ZFHX3: variants seen among roughly 807,000 people sequenced by gnomAD.
The protein encoded by ZFHX3 is zinc finger homeobox protein 3.
ZFHX3 carries 42 observed loss-of-function variants against 279.1 expected under a neutral mutation model. The observed-to-expected ratio is 0.15, with a 90% CI of 0.12 to 0.19. The LOEUF (loss-of-function observed/expected upper bound fraction) is 0.19, where lower values mean the gene tolerates loss of function less well. Ranked by LOEUF, ZFHX3 falls within the 10% of genes least tolerant of loss-of-function variation. ZFHX3 has a pLI of 1.00. For synonymous variants in ZFHX3, 2,293 were observed against 1,957.8 expected, an observed-to-expected ratio of 1.17 and a Z score of -4.52; for missense variants, 4,981 against 4,754.0, an observed-to-expected ratio of 1.05 and a Z score of -1.40.
At chr16:73,738,916 G>A (rs1048219421) in intron 1 of ZFHX3, among the ~76,000 whole-genome samples, 1 of 152,196 alleles carries the variant, frequency 6.6e-6, no homozygotes, top group African/African-American at 2.4e-5. Flanking sequence ...TTCCTCTGAT[G>A]TACTTCCAGA....
intron 7 of ZFHX3, among the ~76,000 whole-genome samples, chr16:73,113,792 A>ATTTTT: frequency 1.8e-5 from 1 of 54,714 alleles, no homozygotes; most frequent in Non-Finnish European, 3.8e-5. Context: ...TTTTTTGGAA[A>ATTTTT]CTTTTTTTTT....
At position 73,841,341 on chromosome 16, in the gene ZFHX3, G is replaced by A. The variant is rs188877251; in HGVS notation, c.-1608+50310C>T. Among the ~76,000 whole-genome samples the A allele has an allele frequency of 1.9e-3, 286 of 152,128 alleles. 1 individual carries two copies. Among genetic ancestry groups the A allele is most frequent in the African/African-American group, 6.4e-3 (264 of 41,524 alleles). ...GAAGTACCAGATGAGCTGGGGGTGGGTGGGAGCTGGGTGCACAGCAGGGGT... is the reference window on the plus strand; with the variant it reads ...GAAGTACCAGATGAGCTGGGGGTGGATGGGAGCTGGGTGCACAGCAGGGGT... On this transcript the variant is annotated intron_variant, in intron 1 of 17. Coordinates refer to the ZFHX3 transcript ENST00000641206.
exon 8 of ZFHX3, chr16:73,093,488 T>A: frequency 2.0e-6 from 1 of 502,538 alleles, no homozygotes; most frequent in South Asian, 1.5e-5. Flanking sequence ...CCAGGTCCTG[T>A]AAGAAGAGAT....
chr16:73,503,343 T>C (rs1267904005), intron 2 of ZFHX3, among the ~76,000 whole-genome samples: 1 of 152,210 alleles, frequency 6.6e-6, no homozygotes, highest in Non-Finnish European at 1.5e-5. Flanking sequence ...TCTGCGGTGT[T>C]GGGCACACTG....
At chr16:73,660,936 G>T (rs1278391229) in intron 2 of ZFHX3, among the ~76,000 whole-genome samples, 2 of 152,032 alleles carry the variant, frequency 1.3e-5, no homozygotes, top group African/African-American at 4.8e-5. Flanking sequence ...CTAATATGCT[G>T]ATCTACACGT....
chr16:72,996,489 A>G (rs1449659306), intron 1 of ZFHX3, among the ~76,000 whole-genome samples: 1 of 152,242 alleles, frequency 6.6e-6, no homozygotes, highest in Non-Finnish European at 1.5e-5. Context: ...AAGGGCTAGA[A>G]TCTATAACCC....
At chr16:73,424,253 G>A (rs1339715620) in intron 3 of ZFHX3, among the ~76,000 whole-genome samples, 1 of 152,174 alleles carries the variant, frequency 6.6e-6, no homozygotes. Context: ...TGACTCATTT[G>A]TAAAACAGAG....
intron 2 of ZFHX3, among the ~76,000 whole-genome samples, chr16:73,648,509 C>A (rs2052641434): frequency 6.6e-6 from 1 of 152,206 alleles, no homozygotes; most frequent in African/African-American, 2.4e-5. Flanking sequence ...CCTGCTTCAG[C>A]CTCCTGAGTA....
intron 1 of ZFHX3, among the ~76,000 whole-genome samples, chr16:73,013,745 T>C (rs1193958399): frequency 6.6e-6 from 1 of 151,986 alleles, no homozygotes; most frequent in Non-Finnish European, 1.5e-5. Context: ...TCCAAGGAAA[T>C]AGGCATTGTT....
At chr16:72,907,545 TTGTGTGTGTGTG>T (rs547618913) in intron 3 of ZFHX3, among the ~76,000 whole-genome samples, 6,129 of 120,476 alleles carry the variant, frequency 0.051, 192 homozygotes, top group South Asian at 0.086. Context: ...TTTCCTCTAT[TTGTGTGTGTGTG>T]TGTGTGTGTG....
intron 2 of ZFHX3, among the ~76,000 whole-genome samples, chr16:73,664,186 C>T (rs1010372444): frequency 3.9e-5 from 6 of 151,910 alleles, no homozygotes; most frequent in African/African-American, 9.7e-5. Flanking sequence ...AGGAGGGCAA[C>T]GTAACTTTGC....
chr16:73,376,902 GC>G (rs1323425938), intron 3 of ZFHX3, among the ~76,000 whole-genome samples: 7 of 151,388 alleles, frequency 4.6e-5, no homozygotes, highest in Non-Finnish European at 8.8e-5. Flanking sequence ...TCTAATTATT[GC>G]CCTTTAATAT....
intron 5 of ZFHX3, among the ~76,000 whole-genome samples, chr16:73,164,698 GAA>G (rs545221088): frequency 0.02 from 1,840 of 92,618 alleles, 27 homozygotes; most frequent in African/African-American, 0.057. Context: ...AGACTCTGTT[GAA>G]AAAAAAAAAA....
Position 73,823,445 on chromosome 16 carries a change from A to G in ZFHX3, c.-1608+68206T>C, listed in dbSNP as rs139517458. 4.7e-3 allele frequency among the ~76,000 whole-genome samples: 722 copies of G among 152,346 alleles called. 7 individuals are homozygous for G. The highest frequency in any genetic ancestry group is 0.016 in the African/African-American group (666 of 41,582). ...AGCCAGACAGAATAAAGCAAGTGCT[A>G]AACAAAGGTTCAAACCAATGCAGGA... On this transcript the variant is annotated intron_variant, in intron 1 of 17. Coordinates refer to the ZFHX3 transcript ENST00000641206.
intron 1 of ZFHX3, among the ~76,000 whole-genome samples, chr16:73,736,535 A>G (rs534368058): frequency 2.4e-4 from 36 of 152,228 alleles, no homozygotes; most frequent in Non-Finnish European, 2.8e-4. Context: ...CTTTCAAATG[A>G]TATCTGGCAA....
At chr16:73,128,454 T>C (rs1043033005) in intron 7 of ZFHX3, among the ~76,000 whole-genome samples, 3 of 152,150 alleles carry the variant, frequency 2.0e-5, no homozygotes, top group African/African-American at 7.2e-5. Flanking sequence ...TTGAAAGAAT[T>C]CCCCATGGTC....
chr16:73,887,818 C>G (rs1473567828), intron 1 of ZFHX3, among the ~76,000 whole-genome samples: 1 of 152,012 alleles, frequency 6.6e-6, no homozygotes, highest in African/African-American at 2.4e-5. Flanking sequence ...TCAATGCACC[C>G]AGAGTTCTAT....
chr16:73,746,245 C>T (rs569803455), intron 1 of ZFHX3, among the ~76,000 whole-genome samples: 1 of 152,056 alleles, frequency 6.6e-6, no homozygotes, highest in Non-Finnish European at 1.5e-5. Flanking sequence ...CACTATGTTA[C>T]TCTTACCATT....
At chr16:72,898,718 T>C (rs2038958268) in intron 3 of ZFHX3, among the ~76,000 whole-genome samples, 1 of 148,412 alleles carries the variant, frequency 6.7e-6, no homozygotes, top group Non-Finnish European at 1.5e-5. Context: ...ATTTTTACCA[T>C]TATGGGAGCA....
Sources: gnomAD v4.1 joint callset for allele counts (sites outside exome capture counted in the v4.1 genomes callset) on GRCh38, gnomAD v4.1.1 for gene constraint, MANE v1.5 for transcripts, NCBI Gene and HGNC (gene_info 2026-07-23, HGNC 2026-07-21) for gene names.